Variants in TEX15 observed in about 807,000 individuals in gnomAD.
TEX15 encodes testis expressed 15, meiosis and synapsis associated, also known as testis-expressed protein 15.
Under a neutral mutation model 237.3 loss-of-function variants are expected in TEX15, and 171 were observed. That is an observed-to-expected ratio of 0.72 (90% CI 0.64 to 0.82). TEX15 has a LOEUF of 0.82. TEX15 is among the 40% of genes least tolerant of loss of function. The pLI, the probability that TEX15 is intolerant of heterozygous loss-of-function variation, is 0.00. For synonymous variants in TEX15, 1,338 were observed against 1,269.8 expected (o/e 1.05, Z -1.14); for missense variants, 3,750 against 3,646.5 (o/e 1.03, Z -0.73).
At chr8:30,896,901 T>C (rs1224944134) in intron 2 of TEX15, among the ~76,000 whole-genome samples, 1 of 152,136 alleles carries the variant, frequency 6.6e-6, no homozygotes, top group Non-Finnish European at 1.5e-5. Flanking sequence ...TTTCCCCCAA[T>C]GCAAAAAAGT....
At chr8:30,902,096 G>A (rs1052305728) in intron 1 of TEX15, among the ~76,000 whole-genome samples, 4 of 152,126 alleles carry the variant, frequency 2.6e-5, no homozygotes, top group Non-Finnish European at 5.9e-5. Context: ...GGCTGGGCCC[G>A]GAAATCTGTG....
intron 9 of TEX15, among the ~76,000 whole-genome samples, chr8:30,839,572 T>C (rs1485768885): frequency 6.6e-6 from 1 of 152,180 alleles, no homozygotes; most frequent in Non-Finnish European, 1.5e-5. Flanking sequence ...TAAATTTTTC[T>C]TTCTTATTCT....
At chr8:30,895,297 C>CATA (rs1808876410) in intron 2 of TEX15, among the ~76,000 whole-genome samples, 1 of 60,500 alleles carries the variant, frequency 1.7e-5, no homozygotes, top group Non-Finnish European at 3.6e-5. Flanking sequence ...GACTCCATCT[C>CATA]AAAAAAAAAA....
intron 1 of TEX15, among the ~76,000 whole-genome samples, chr8:30,909,459 T>C (rs1228457728): frequency 8.1e-6 from 1 of 123,996 alleles, no homozygotes; most frequent in African/African-American, 3.1e-5. Context: ...AGGGCAGCAA[T>C]CACAAAGGCT....
chr8:30,843,588 A>T lies in TEX15; in HGVS notation c.6579T>A (p.Val2193=). The change falls in exon 8 of 11, where the codon GTT becomes GTA. Residue 2193 remains valine, a synonymous_variant. Coordinates refer to ENST00000643185, the MANE Select transcript of TEX15 (RefSeq NM_001350162.2). The part of the protein sequence containing the change: ...CSDCFDFSLS[V]PFTCGVNFGD... ...CAAAGTTAACTCCACAGGTAAATGG[A>T]ACAGAAAGAGAAAAATCAAAGCAAT... 1 of 1,613,088 alleles carries T rather than the reference A, an allele frequency of 6.2e-7. No individual in the cohort carries two copies. Among genetic ancestry groups the T allele is most frequent in the Non-Finnish European group, 8.5e-7 (1 of 1,179,732 alleles).
At chr8:30,911,882 G>C (rs1217503613) in intron 1 of TEX15, among the ~76,000 whole-genome samples, 1 of 152,148 alleles carries the variant, frequency 6.6e-6, no homozygotes, top group East Asian at 1.9e-4. Flanking sequence ...CGGCTCACAC[G>C]AAACTGAGGC....
intron 7 of TEX15, among the ~76,000 whole-genome samples, chr8:30,851,712 G>A (rs190660050): frequency 3.4e-5 from 5 of 148,070 alleles, no homozygotes; most frequent in African/African-American, 1.2e-4. Context: ...TAGACTGGGT[G>A]AATCTTCTGA....
At chr8:30,872,273 C>T (rs934312780) in intron 4 of TEX15, among the ~76,000 whole-genome samples, 6 of 151,972 alleles carry the variant, frequency 3.9e-5, no homozygotes, top group Non-Finnish European at 8.8e-5. Flanking sequence ...ATGGTGGTCC[C>T]GTAAGATTAT....
intron 3 of TEX15, among the ~76,000 whole-genome samples, chr8:30,878,071 T>G (rs557381433): frequency 2.7e-4 from 41 of 151,714 alleles, no homozygotes; most frequent in Non-Finnish European, 5.4e-4. Flanking sequence ...AATGAAATTT[T>G]GTAGTATGAG....
chr8:30,898,693 A>T (rs1330919481), intron 2 of TEX15, 49 bp downstream of exon 2: 1 of 152,246 alleles, frequency 6.6e-6, no homozygotes. Context: ...AAAATAAATC[A>T]ACAAGGTATA....
intron 2 of TEX15, chr8:30,890,567 G>T (rs1808776165): frequency 6.6e-6 from 1 of 152,068 alleles, no homozygotes; most frequent in Admixed American, 6.5e-5. Flanking sequence ...ATCCACATCA[G>T]TCATTTGCGG....
At position 30,860,047 on chromosome 8, in the gene TEX15, C is replaced by T; in HGVS notation, c.551G>A (p.Gly184Glu). 1.4e-6 allele frequency: 2 copies of T among 1,462,024 alleles called. No homozygotes were observed. Among genetic ancestry groups the T allele is most frequent in the Admixed American group, 2.9e-5 (1 of 34,504 alleles). 90.6% of individuals were successfully genotyped at this position (1,462,024 alleles called of 1,614,324 possible). Residue 184 changes from glycine to glutamate, a missense_variant, in exon 6 of 11, where the codon GGA becomes GAA. By Grantham distance (98) the Gly-to-Glu change is moderately conservative (BLOSUM62 -2). Transcript: ENST00000643185. ...ESILIFKVLF[G>E]KVKKIQPSVD... is the part of the protein sequence containing the mutation. The stretch of plus-strand genomic sequence containing the variant: ...AGAAGGTTGGATTTTCTTCACTTTT[C>T]CAAAGAGAACCTAAAAAAAAAAAAG...
At chr8:30,885,466 C>T (rs1368261733) in intron 3 of TEX15, among the ~76,000 whole-genome samples, 1 of 152,120 alleles carries the variant, frequency 6.6e-6, no homozygotes, top group Non-Finnish European at 1.5e-5. Context: ...GTGAGGCTTC[C>T]CCAGCCACGT....
intron 3 of TEX15, among the ~76,000 whole-genome samples, chr8:30,879,790 G>C (rs1002356720): frequency 2.6e-5 from 4 of 152,090 alleles, no homozygotes; most frequent in Non-Finnish European, 4.4e-5. Context: ...GAATAAGCTT[G>C]CCTACCTATG....
chr8:30,859,397 G>C (rs323360), intron 6 of TEX15, among the ~76,000 whole-genome samples: 3,305 of 151,870 alleles, frequency 0.022, 115 homozygotes, highest in African/African-American at 0.075. Flanking sequence ...TTTCAAAATA[G>C]CCTTGTTTTT....
At chr8:30,905,920 A>G (rs1809095205) in intron 1 of TEX15, among the ~76,000 whole-genome samples, 1 of 151,822 alleles carries the variant, frequency 6.6e-6, no homozygotes, top group African/African-American at 2.4e-5. Context: ...CAAAACAAAC[A>G]AGAAAACCCC....
rs753144345 is a variant in TEX15 at position 30,848,966 on chromosome 8, T to A, written c.1201A>T (p.Thr401Ser). The A allele has an allele frequency of 6.2e-7, 1 of 1,614,152 alleles. No individual in the cohort carries two copies. The highest frequency in any genetic ancestry group is 8.5e-7 in the Non-Finnish European group (1 of 1,180,016). ...SVNGDLLLNW[T>S]SLKNILSGLN... ...CCACTTAAAATATTTTTAAGACTTG[T>A]CCAATTTAACAAAAGGTCACCATTA... Residue 401 changes from threonine to serine, a missense_variant, in exon 8 of 11, where the codon ACA becomes TCA. By Grantham distance (58) the Thr-to-Ser change is moderately conservative. Transcript: ENST00000643185.
intron 1 of TEX15, among the ~76,000 whole-genome samples, chr8:30,905,480 A>C (rs1809082762): frequency 6.6e-6 from 1 of 152,112 alleles, no homozygotes; most frequent in African/African-American, 2.4e-5. Flanking sequence ...AATTTGTACC[A>C]AGCAAAAAAT....
chr8:30,853,102 G>A (rs1807823462), intron 7 of TEX15, among the ~76,000 whole-genome samples: 2 of 152,138 alleles, frequency 1.3e-5, no homozygotes, highest in African/African-American at 4.8e-5. Flanking sequence ...CACCCTGAAA[G>A]GCATCATCCT....
Sources: allele counts gnomAD v4.1 joint callset (sites outside exome capture counted in the v4.1 genomes callset), GRCh38; gene constraint gnomAD v4.1.1; transcripts MANE v1.5; gene names NCBI Gene and HGNC (gene_info 2026-07-23, HGNC 2026-07-21).